The following LHFPL6 variants were observed in gnomAD, a reference collection of about 807,000 sequenced individuals.
LHFPL6 encodes LHFPL tetraspan subfamily member 6.
Under a neutral mutation model 20.6 loss-of-function variants are expected in LHFPL6, and 9 were observed. The observed-to-expected ratio is 0.44, with a 90% CI of 0.26 to 0.76. LHFPL6 has a LOEUF of 0.76. LHFPL6 is among the 30% of genes least tolerant of loss of function. LHFPL6 has a pLI of 0.20. For synonymous variants in LHFPL6, 105 were observed against 98.7 expected, an observed-to-expected ratio of 1.06 and a Z score of -0.38; for missense variants, 218 against 253.5, an observed-to-expected ratio of 0.86 and a Z score of 0.95.
At chr13:39,347,713 T>A (rs1292627385) in intron 3 of LHFPL6, among the ~76,000 whole-genome samples, 1 of 152,224 alleles carries the variant, frequency 6.6e-6, no homozygotes, top group East Asian at 1.9e-4. Context: ...GTCTTGGGAA[T>A]AATCTCCATT....
chr13:39,373,262 T>C (rs1870204867), intron 3 of LHFPL6, among the ~76,000 whole-genome samples: 1 of 152,174 alleles, frequency 6.6e-6, no homozygotes, highest in Non-Finnish European at 1.5e-5. Context: ...GGATGACTGC[T>C]CCACAGACTG....
chr13:39,400,165 T>C (rs1330172919), intron 2 of LHFPL6, among the ~76,000 whole-genome samples: 6 of 152,136 alleles, frequency 3.9e-5, no homozygotes, highest in Admixed American at 2.0e-4. Context: ...CTAAGTAAGG[T>C]GAAAATTATT....
intron 2 of LHFPL6, among the ~76,000 whole-genome samples, chr13:39,586,340 C>T (rs1351832766): frequency 6.6e-6 from 1 of 152,154 alleles, no homozygotes; most frequent in Non-Finnish European, 1.5e-5. Context: ...GTAACACATG[C>T]TTACATGCAG....
At chr13:39,583,206 C>T (rs560834724) in intron 2 of LHFPL6, among the ~76,000 whole-genome samples, 42 of 133,442 alleles carry the variant, frequency 3.1e-4, no homozygotes, top group African/African-American at 1.1e-3. Context: ...CAGGGTCCTG[C>T]TCTGTCACCC....
At chr13:39,582,953 G>A (rs974110255) in intron 2 of LHFPL6, among the ~76,000 whole-genome samples, 3 of 152,218 alleles carry the variant, frequency 2.0e-5, no homozygotes, top group South Asian at 4.1e-4. Context: ...TTTTCAAGGA[G>A]GCCATATTAT....
intron 2 of LHFPL6, among the ~76,000 whole-genome samples, chr13:39,499,034 T>C (rs917590236): frequency 2.0e-5 from 3 of 152,092 alleles, no homozygotes; most frequent in African/African-American, 7.2e-5. Flanking sequence ...CTAAATTTTT[T>C]TGTATTTTTG....
intron 2 of LHFPL6, among the ~76,000 whole-genome samples, chr13:39,509,440 T>G (rs529412954): frequency 1.1e-4 from 16 of 152,278 alleles, no homozygotes; most frequent in African/African-American, 2.6e-4. Context: ...AGGAACATAC[T>G]ACGGTTCAGA....
intron 2 of LHFPL6, among the ~76,000 whole-genome samples, chr13:39,519,851 A>T (rs1870051274): frequency 6.6e-6 from 1 of 152,162 alleles, no homozygotes; most frequent in Non-Finnish European, 1.5e-5. Flanking sequence ...AGGGGGGAAA[A>T]AAATAATGAG....
chr13:39,358,954 C>A (rs964483109), intron 3 of LHFPL6, among the ~76,000 whole-genome samples: 3 of 152,110 alleles, frequency 2.0e-5, no homozygotes, highest in Admixed American at 2.0e-4. Context: ...GGGTGGATCA[C>A]AAGGTCAGGA....
At chr13:39,347,531 T>A (rs1449932549) in intron 3 of LHFPL6, among the ~76,000 whole-genome samples, 1 of 152,186 alleles carries the variant, frequency 6.6e-6, no homozygotes, top group African/African-American at 2.4e-5. Context: ...CTAGAGAGTG[T>A]GCTAAATTTA....
At chr13:39,556,788 C>T (rs1401031286) in intron 2 of LHFPL6, among the ~76,000 whole-genome samples, 1 of 152,026 alleles carries the variant, frequency 6.6e-6, no homozygotes, top group Non-Finnish European at 1.5e-5. Flanking sequence ...CATAGTGACA[C>T]TCCATCTCTA....
At chr13:39,468,112 G>A (rs188399415) in intron 2 of LHFPL6, among the ~76,000 whole-genome samples, 29 of 152,172 alleles carry the variant, frequency 1.9e-4, no homozygotes, top group Non-Finnish European at 4.0e-4. Flanking sequence ...CTTTCTCAAT[G>A]GTACCACTCC....
intron 2 of LHFPL6, among the ~76,000 whole-genome samples, chr13:39,536,093 G>T (rs1216085458): frequency 6.6e-6 from 1 of 152,082 alleles, no homozygotes; most frequent in Non-Finnish European, 1.5e-5. Flanking sequence ...ATATCTGTTT[G>T]CCAGGTCACA....
chr13:39,568,742 A>G (rs536413547), intron 2 of LHFPL6, among the ~76,000 whole-genome samples: 45 of 152,248 alleles, frequency 3.0e-4, no homozygotes, highest in Admixed American at 2.6e-4. Flanking sequence ...TCACCCCTAC[A>G]TCCTCTAATG....
Position 39,465,593 on chromosome 13 carries a change from G to A in LHFPL6, c.386-87067C>T, listed in dbSNP as rs117775334. 9.3e-3 allele frequency among the ~76,000 whole-genome samples: 1,422 copies of A among 152,260 alleles called. 9 individuals carry two copies. Among genetic ancestry groups the A allele is most frequent in the Middle Eastern group, 0.017 (5 of 294 alleles). ...TCCTAGGGGAAGCGTTCAGAGTTGA[G>A]CATGTCATATAAGTAGGGCTGCTTG... On this transcript the variant is annotated intron_variant, in intron 2 of 3. Transcript: ENST00000379589.
At chr13:39,584,970 C>T (rs1872403365) in intron 2 of LHFPL6, among the ~76,000 whole-genome samples, 1 of 152,146 alleles carries the variant, frequency 6.6e-6, no homozygotes. Flanking sequence ...GTGACTCTGA[C>T]CATGTACCTA....
intron 2 of LHFPL6, among the ~76,000 whole-genome samples, chr13:39,489,467 T>C (rs543605490): frequency 1.3e-5 from 2 of 152,234 alleles, no homozygotes; most frequent in South Asian, 2.1e-4. Context: ...TCTTAAAATA[T>C]ATAGAAAATA....
At chr13:39,549,697 C>T (rs565316602) in intron 2 of LHFPL6, among the ~76,000 whole-genome samples, 3 of 152,092 alleles carry the variant, frequency 2.0e-5, no homozygotes, top group Non-Finnish European at 2.9e-5. Context: ...TAAGTTCACC[C>T]GAATCTTTCA....
intron 3 of LHFPL6, among the ~76,000 whole-genome samples, chr13:39,346,206 T>C (rs1226225127): frequency 6.6e-6 from 1 of 152,172 alleles, no homozygotes; most frequent in Non-Finnish European, 1.5e-5. Context: ...AGTTATTGGC[T>C]TGTGGTCACC....
Sources: gnomAD v4.1 joint callset for allele counts (sites outside exome capture counted in the v4.1 genomes callset) on GRCh38, gnomAD v4.1.1 for gene constraint, MANE v1.5 for transcripts, NCBI Gene and HGNC (gene_info 2026-07-23, HGNC 2026-07-21) for gene names.